Variants in MGA observed in about 807,000 individuals in gnomAD.
MGA encodes MAX dimerization protein MGA.
Under a neutral mutation model 261.1 loss-of-function variants are expected in MGA, and 40 were observed. That is an observed-to-expected ratio of 0.15 (90% CI 0.12 to 0.20). The LOEUF is 0.20. Among genes scored for constraint, MGA ranks in the 10% least tolerant of loss-of-function variants. The pLI, the probability that MGA is intolerant of heterozygous loss-of-function variation, is 1.00. For missense variants in MGA, 3,397 were observed against 3,630.5 expected (o/e 0.94, Z 1.65); for synonymous variants, 1,302 against 1,290.6 (o/e 1.01, Z -0.19).
At chr15:41,684,850 A>T (rs1168375284) in intron 2 of MGA, among the ~76,000 whole-genome samples, 1 of 152,184 alleles carries the variant, frequency 6.6e-6, no homozygotes, top group Non-Finnish European at 1.5e-5. Context: ...TTGATTATGG[A>T]AATTGATTGG....
intron 10 of MGA, among the ~76,000 whole-genome samples, chr15:41,728,358 AG>A (rs1215396903): frequency 6.6e-5 from 10 of 152,114 alleles, no homozygotes; most frequent in Non-Finnish European, 1.3e-4. Flanking sequence ...AACCTGAAAA[AG>A]GCAAGGGTTA....
At chr15:41,692,260 G>T (rs2059329851) in intron 2 of MGA, among the ~76,000 whole-genome samples, 1 of 152,152 alleles carries the variant, frequency 6.6e-6, no homozygotes. Context: ...CCTAAGCATT[G>T]GTAGACTACA....
rs576133982 is a variant in MGA at position 41,693,888 on chromosome 15, G to A, written c.1065-2187G>A. On this transcript the variant is annotated intron_variant, in intron 2 of 23. Transcript: ENST00000219905. ...AGTAATAAAAGTAATGGATGTGAAA[G>A]TGTCTCGATTATTGGGGATATTTAA... Among the ~76,000 whole-genome samples the A allele has an allele frequency of 5.9e-5, 9 of 152,236 alleles. No individual in the cohort carries two copies. The South Asian group carries it at 1.0e-3, about 18-fold the overall frequency.
chr15:41,750,107 T>G lies in MGA; in HGVS notation c.6500T>G (p.Leu2167Arg). ...AAAGAGAAGGAATGTGGAGACTCTC[T>G]GGAGAAAGACAGGGAAAGATGGAGA... The change falls in exon 17 of 24, where the codon CTG becomes CGG. Residue 2167 changes from leucine (L) to arginine (R), a missense_variant. Leu to Arg is a moderately radical substitution (Grantham distance 102). This residue lies in a region of MGA where 1,410 missense variants were observed against 1,386.4 expected (regional missense o/e 1.02). Coordinates refer to ENST00000219905, the MANE Select transcript of MGA (RefSeq NM_001164273.2). 1.2e-6 allele frequency: 2 copies of G among 1,613,458 alleles called. No homozygotes were observed. The highest frequency in any genetic ancestry group is 1.7e-6 in the Non-Finnish European group (2 of 1,179,762).
chr15:41,721,847 C>T (rs1193577521), intron 9 of MGA, among the ~76,000 whole-genome samples: 1 of 152,114 alleles, frequency 6.6e-6, no homozygotes, highest in African/African-American at 2.4e-5. Context: ...AGCAGTTTGA[C>T]TCCAGAGTAA....
intron 1 of MGA, among the ~76,000 whole-genome samples, chr15:41,642,908 C>CT (rs1195975609): frequency 1.4e-5 from 2 of 147,744 alleles, no homozygotes; most frequent in African/African-American, 2.5e-5. Flanking sequence ...CCATGCCTGG[C>CT]CTTTTTTTTT....
At chr15:41,757,887 A>G in intron 19 of MGA, 48 bp downstream of exon 19, 1 of 1,481,616 alleles carries the variant, frequency 6.7e-7, no homozygotes, top group Non-Finnish European at 9.4e-7. Context: ...TAAAATTGTT[A>G]ACATTTATCT....
intron 1 of MGA, among the ~76,000 whole-genome samples, chr15:41,668,520 C>T (rs2057886183): frequency 6.6e-6 from 1 of 151,894 alleles, no homozygotes; most frequent in African/African-American, 2.4e-5. Flanking sequence ...ATTTTGTATA[C>T]TTTTTTAATA....
intron 15 of MGA, among the ~76,000 whole-genome samples, chr15:41,746,357 A>G (rs546851398): frequency 5.9e-5 from 9 of 152,250 alleles, no homozygotes; most frequent in African/African-American, 2.2e-4. Flanking sequence ...CCTGGCCAAC[A>G]TGGTGAAACC....
Position 41,767,590 on chromosome 15 carries a change from C to G in MGA, c.*310C>G. 2 of 335,574 alleles carry G rather than the reference C, an allele frequency of 6.0e-6. No homozygotes were observed. The highest frequency in any genetic ancestry group is 6.5e-5 in the South Asian group (1 of 15,468). The allele number at this position is 335,574 out of a possible 1,614,324, so 20.8% of individuals were successfully genotyped here. A position where few individuals can be genotyped will look rare whatever the true frequency, so the allele number is the denominator to read the frequency against. The stretch of plus-strand genomic sequence containing the variant: ...GGAATTTATAACATGACTCTGGCTC[C>G]ACAGTGGTTTCTAGTTCTTCCCCCA... On this transcript the variant is annotated 3_prime_UTR_variant, in exon 24 of 24. Transcript: ENST00000219905.
chr15:41,701,333 A>G (rs2059842450), intron 5 of MGA, among the ~76,000 whole-genome samples: 1 of 152,160 alleles, frequency 6.6e-6, no homozygotes, highest in Non-Finnish European at 1.5e-5. Flanking sequence ...CATTTTAAAA[A>G]TCTTAGTTCT....
chr15:41,753,498 T>C (rs565289935), intron 17 of MGA, among the ~76,000 whole-genome samples: 2 of 152,176 alleles, frequency 1.3e-5, no homozygotes, highest in Admixed American at 6.5e-5. Flanking sequence ...ATAAAATATT[T>C]AGCAAGTTTC....
At chr15:41,705,662 T>C (rs1414062719) in intron 5 of MGA, among the ~76,000 whole-genome samples, 1 of 152,234 alleles carries the variant, frequency 6.6e-6, no homozygotes, top group East Asian at 1.9e-4. Context: ...ATGCCAGGCC[T>C]GCAAAATGTC....
At chr15:41,747,829 C>CT (rs974394198) in intron 15 of MGA, among the ~76,000 whole-genome samples, 194 of 152,312 alleles carry the variant, frequency 1.3e-3, no homozygotes, top group African/African-American at 4.4e-3. Context: ...AGTTGATACT[C>CT]TATTTTTTAC....
At chr15:41,691,736 G>A (rs2059297904) in intron 2 of MGA, 1 of 357,884 alleles carries the variant, frequency 2.8e-6, no homozygotes, top group Admixed American at 2.7e-5. Context: ...TGGCGGTAAA[G>A]TATATTGTCT....
chr15:41,649,409 T>C (rs2056996985), intron 1 of MGA, among the ~76,000 whole-genome samples: 1 of 148,660 alleles, frequency 6.7e-6, no homozygotes, highest in Admixed American at 6.7e-5. Context: ...ATATAGTCTA[T>C]AATTTGTAGG....
intron 15 of MGA, among the ~76,000 whole-genome samples, chr15:41,746,889 C>G (rs2062525102): frequency 6.6e-6 from 1 of 151,088 alleles, no homozygotes; most frequent in Non-Finnish European, 1.5e-5. Context: ...GTTAAATAAG[C>G]TCACCAATTT....
rs774636737 is a variant in MGA at position 41,669,705 on chromosome 15, G to A, written c.811G>A (p.Gly271Arg). The A allele has an allele frequency of 6.2e-6, 10 of 1,613,304 alleles. No homozygotes were observed. The African/African-American group carries it at 1.3e-4, about 22-fold the overall frequency. ...GCTGAATAATAAGCCCCAGAGAGATGGAAAACAAAAGAACAGCTCTGACCA... is the reference window on the plus strand; with the variant it reads ...GCTGAATAATAAGCCCCAGAGAGATAGAAAACAAAAGAACAGCTCTGACCA... Residue 271 changes from glycine to arginine, a missense_variant, in exon 2 of 24, where the codon GGA (glycine) becomes AGA (arginine). Gly to Arg is a moderately radical substitution (Grantham distance 125). Around this residue, in one of 9 missense-constraint regions of MGA, gnomAD observed 563 missense variants for 563.6 expected, o/e 1.00. Transcript: ENST00000219905.
At chr15:41,762,430 C>G in intron 22 of MGA, 68 bp downstream of exon 22, 1 of 881,668 alleles carries the variant, frequency 1.1e-6, no homozygotes, top group South Asian at 2.1e-5. Context: ...GACTGACCAC[C>G]TTCTCTTGTC....
Sources: gnomAD v4.1 joint callset for allele counts (sites outside exome capture counted in the v4.1 genomes callset) on GRCh38, gnomAD v4.1.1 for gene constraint, gnomAD v4.1.1 regional missense constraint, MANE v1.5 for transcripts, NCBI Gene and HGNC (gene_info 2026-07-23, HGNC 2026-07-21) for gene names.